The following PPFIA2 variants were observed in gnomAD, a reference collection of about 807,000 sequenced individuals.
The protein encoded by PPFIA2 is liprin-alpha-2.
PPFIA2 carries 46 observed loss-of-function variants against 175.5 expected under a neutral mutation model. The ratio of observed to expected loss-of-function variants is 0.26; its 90% CI spans 0.21 to 0.34. PPFIA2 has a LOEUF of 0.34. Ranked by LOEUF, PPFIA2 falls within the 10% of genes least tolerant of loss-of-function variation. The probability of loss-of-function intolerance (pLI) is 1.00; values close to 1 mark genes in which losing one functional copy is unlikely to be tolerated. For missense variants in PPFIA2, 1,179 were observed against 1,506.1 expected, an observed-to-expected ratio of 0.78 and a Z score of 3.60; for synonymous variants, 568 against 511.4, an observed-to-expected ratio of 1.11 and a Z score of -1.49.
At chr12:81,376,672 T>A (rs1442675880) in intron 9 of PPFIA2, among the ~76,000 whole-genome samples, 1 of 152,158 alleles carries the variant, frequency 6.6e-6, no homozygotes, top group Non-Finnish European at 1.5e-5. Context: ...TACATGGAAA[T>A]TTATTGGTAG....
intron 8 of PPFIA2, among the ~76,000 whole-genome samples, chr12:81,387,477 A>G (rs1241287388): frequency 6.6e-6 from 1 of 152,148 alleles, no homozygotes; most frequent in Non-Finnish European, 1.5e-5. Flanking sequence ...ATGCAGGCAA[A>G]TGGCAAGAAG....
chr12:81,358,485 C>A (rs2061174799), intron 15 of PPFIA2, among the ~76,000 whole-genome samples: 1 of 152,088 alleles, frequency 6.6e-6, no homozygotes, highest in African/African-American at 2.4e-5. Flanking sequence ...TTATCATTTT[C>A]AAATGCAGTA....
intron 4 of PPFIA2, among the ~76,000 whole-genome samples, chr12:81,654,395 T>C (rs2153536932): frequency 6.6e-6 from 1 of 152,116 alleles, no homozygotes; most frequent in South Asian, 2.1e-4. Context: ...CCTACTAACA[T>C]AAAATCCTAA....
At position 81,368,714 on chromosome 12, in the gene PPFIA2, T is replaced by C; in HGVS notation, c.1482+11A>G. The stretch of plus-strand genomic sequence containing the variant: ...AAATATTCATGTGATTTTACCCTTC[T>C]ATCGTTTTACCTTTTCTTCTAGAGC... On this transcript the variant is annotated intron_variant, in intron 13 of 32. Coordinates refer to ENST00000549396, the MANE Select transcript of PPFIA2 (RefSeq NM_003625.5). 1 of 1,602,316 alleles carries C rather than the reference T, an allele frequency of 6.2e-7. No homozygotes were observed. The highest frequency in any genetic ancestry group is 8.5e-7 in the Non-Finnish European group (1 of 1,174,836).
chr12:81,512,119 CT>C (rs2061862898), intron 4 of PPFIA2, among the ~76,000 whole-genome samples: 1 of 151,992 alleles, frequency 6.6e-6, no homozygotes, highest in African/African-American at 2.4e-5. Context: ...TTTCTGCCTG[CT>C]TTTAAGTTTT....
intron 3 of PPFIA2, among the ~76,000 whole-genome samples, chr12:81,678,554 A>G (rs912277641): frequency 2.0e-5 from 3 of 151,912 alleles, no homozygotes; most frequent in Non-Finnish European, 4.4e-5. Flanking sequence ...CAAGAAAATT[A>G]TTAAATGGTC....
chr12:81,423,091 C>T (rs373596605), intron 7 of PPFIA2, among the ~76,000 whole-genome samples: 51 of 151,750 alleles, frequency 3.4e-4, no homozygotes, highest in African/African-American at 1.1e-3. Context: ...ATAGATAATC[C>T]GAACAGAAAA....
chr12:81,628,125 T>G (rs1376328875), intron 4 of PPFIA2, among the ~76,000 whole-genome samples: 1 of 152,200 alleles, frequency 6.6e-6, no homozygotes. Context: ...TTATACTTCA[T>G]ATAATTTCAG....
chr12:81,295,185 T>C (rs1175222251), intron 23 of PPFIA2, 150 bp from the exon 24 acceptor site: 14 of 712,816 alleles, frequency 2.0e-5, no homozygotes, highest in Admixed American at 8.7e-5. Context: ...AGGACATAGA[T>C]GCACAAAGAA....
chr12:81,330,530 T>TA (rs1211568456), intron 21 of PPFIA2, among the ~76,000 whole-genome samples: 1 of 151,768 alleles, frequency 6.6e-6, no homozygotes, highest in Non-Finnish European at 1.5e-5. Context: ...ATTTGGTATT[T>TA]AGGTCAACAA....
chr12:81,350,980 T>A (rs548545712), intron 17 of PPFIA2, among the ~76,000 whole-genome samples: 2 of 152,228 alleles, frequency 1.3e-5, no homozygotes, highest in South Asian at 4.1e-4. Context: ...TTGTTGATAT[T>A]CAGAAGAACA....
intron 5 of PPFIA2, among the ~76,000 whole-genome samples, chr12:81,448,769 T>C (rs1329052857): frequency 7.2e-5 from 11 of 152,204 alleles, no homozygotes; most frequent in Admixed American, 6.5e-4. Context: ...TGTATGACTA[T>C]CTCACTTCAC....
intron 24 of PPFIA2, among the ~76,000 whole-genome samples, chr12:81,288,688 A>G (rs1159755037): frequency 1.3e-5 from 2 of 151,764 alleles, no homozygotes; most frequent in African/African-American, 2.4e-5. Flanking sequence ...AGTGTTTTTT[A>G]CTTTGTAATG....
chr12:81,342,019 A>C (rs1284645011), intron 19 of PPFIA2, among the ~76,000 whole-genome samples: 4 of 152,114 alleles, frequency 2.6e-5, no homozygotes, highest in African/African-American at 9.7e-5. Context: ...AATAAAAGGT[A>C]AGATAGTAAT....
intron 8 of PPFIA2, among the ~76,000 whole-genome samples, chr12:81,404,310 C>T (rs1254600285): frequency 6.6e-6 from 1 of 152,000 alleles, no homozygotes; most frequent in Non-Finnish European, 1.5e-5. Flanking sequence ...TAATTTGTAG[C>T]CTTTTATGAA....
chr12:81,683,525 T>C (rs1307328717), intron 3 of PPFIA2, among the ~76,000 whole-genome samples: 2 of 152,034 alleles, frequency 1.3e-5, no homozygotes, highest in Non-Finnish European at 2.9e-5. Flanking sequence ...AAACACAAAC[T>C]TATTGCTATG....
At chr12:81,289,210 A>G (rs981166471) in intron 24 of PPFIA2, among the ~76,000 whole-genome samples, 4 of 151,806 alleles carry the variant, frequency 2.6e-5, no homozygotes, top group African/African-American at 9.7e-5. Context: ...GTTGGCTACT[A>G]CTGTAATTAT....
rs1167533871 is a variant in PPFIA2, at chr12:81,521,651, C to CAAA, written c.304-63788_304-63786dup. 9.7e-3 allele frequency among the ~76,000 whole-genome samples: 845 copies of CAAA among 87,494 alleles called. 5 individuals carry two copies. The highest frequency in any genetic ancestry group is 0.028 in the East Asian group (104 of 3,678). The allele number at this position is 87,494 out of a possible 152,430, so 57.4% of individuals were successfully genotyped here. On this transcript the variant is annotated intron_variant, in intron 4 of 32. Transcript: ENST00000549396. Reference sequence around the variant, plus strand: ...GCTAACAAGGATCTCTAATAAAATACAAAAAAAAAAAAAAAAAAAATAGCC... The same window carrying CAAA: ...GCTAACAAGGATCTCTAATAAAATACAAAAAAAAAAAAAAAAAAAAAAATAGCC...
intron 4 of PPFIA2, among the ~76,000 whole-genome samples, chr12:81,536,888 A>C (rs919802062): frequency 6.6e-6 from 1 of 150,628 alleles, no homozygotes; most frequent in East Asian, 1.9e-4. Context: ...CTAGAAAAAC[A>C]CGCTATATTT....
Sources: allele counts gnomAD v4.1 joint callset (sites outside exome capture counted in the v4.1 genomes callset), GRCh38; gene constraint gnomAD v4.1.1; transcripts MANE v1.5; gene names NCBI Gene and HGNC (gene_info 2026-07-23, HGNC 2026-07-21).